Variants in SNX24 observed in about 807,000 individuals in gnomAD.
SNX24 encodes sorting nexin-24.
SNX24 carries 22 observed loss-of-function variants against 28.7 expected under a neutral mutation model. The observed-to-expected ratio is 0.77, with a 90% CI of 0.55 to 1.10. SNX24 has a LOEUF of 1.10. Ranked by LOEUF, SNX24 falls within the 50% of genes least tolerant of loss-of-function variation. The pLI, the probability that SNX24 is intolerant of heterozygous loss-of-function variation, is 0.00. For synonymous variants in SNX24, 69 were observed against 71.5 expected, an observed-to-expected ratio of 0.96 and a Z score of 0.18; for missense variants, 221 against 201.1, an observed-to-expected ratio of 1.10 and a Z score of -0.60.
intron 3 of SNX24, among the ~76,000 whole-genome samples, chr5:122,996,928 A>G (rs375390289): frequency 6.6e-6 from 1 of 152,206 alleles, no homozygotes; most frequent in African/African-American, 2.4e-5. Flanking sequence ...CTATAGGATG[A>G]CCCAGGGTAC....
intron 3 of SNX24, among the ~76,000 whole-genome samples, chr5:122,977,581 C>G (rs997230765): frequency 6.6e-6 from 1 of 152,184 alleles, no homozygotes; most frequent in Non-Finnish European, 1.5e-5. Flanking sequence ...GTAACAGGTT[C>G]ACTGTGGCTA....
intron 1 of SNX24, among the ~76,000 whole-genome samples, chr5:122,883,636 C>T (rs940506132): frequency 2.0e-5 from 3 of 152,020 alleles, no homozygotes; most frequent in Admixed American, 6.6e-5. Flanking sequence ...TCAGGGTTGT[C>T]ACATTATTTA....
intron 1 of SNX24, among the ~76,000 whole-genome samples, chr5:122,854,296 C>T (rs1755068448): frequency 6.6e-6 from 1 of 152,076 alleles, no homozygotes; most frequent in Non-Finnish European, 1.5e-5. Flanking sequence ...ATCACGAGGT[C>T]AGGAGATCGA....
intron 3 of SNX24, among the ~76,000 whole-genome samples, chr5:122,946,738 C>CCGTCTCT (rs1759706017): frequency 6.6e-6 from 1 of 152,206 alleles, no homozygotes; most frequent in Admixed American, 6.5e-5. Context: ...AGGACAAAGA[C>CCGTCTCT]CGTCTCTTTA....
chr5:122,908,469 G>C (rs1757742853), intron 1 of SNX24, among the ~76,000 whole-genome samples: 1 of 152,166 alleles, frequency 6.6e-6, no homozygotes, highest in Admixed American at 6.5e-5. Flanking sequence ...AAATTATCCT[G>C]TTATGTGTAA....
intron 3 of SNX24, among the ~76,000 whole-genome samples, chr5:122,951,862 C>T (rs892004782): frequency 5.3e-5 from 8 of 152,070 alleles, no homozygotes; most frequent in Non-Finnish European, 7.4e-5. Context: ...TCAGAGTCTG[C>T]GGGTAAGGCA....
At chr5:122,860,690 G>A (rs1463060505) in intron 1 of SNX24, among the ~76,000 whole-genome samples, 7 of 152,066 alleles carry the variant, frequency 4.6e-5, no homozygotes, top group Non-Finnish European at 7.4e-5. Flanking sequence ...TCTGCCTCCC[G>A]GGTTCACGCC....
chr5:122,934,245 C>T (rs984411811), intron 1 of SNX24, among the ~76,000 whole-genome samples: 1 of 152,128 alleles, frequency 6.6e-6, no homozygotes, highest in African/African-American at 2.4e-5. Context: ...TAGGAGTTTA[C>T]CAGCAGAGCC....
At chr5:122,862,420 C>T (rs1267121173) in intron 1 of SNX24, among the ~76,000 whole-genome samples, 1 of 151,836 alleles carries the variant, frequency 6.6e-6, no homozygotes, top group African/African-American at 2.4e-5. Flanking sequence ...TCGAGACCAT[C>T]CTGGCTAACA....
intron 5 of SNX24, chr5:123,023,963 T>C (rs751102284): frequency 2.0e-5 from 32 of 1,614,022 alleles, no homozygotes; most frequent in Non-Finnish European, 2.5e-5. Context: ...TGGACGGTCA[T>C]GCCCATCAGT....
At chr5:122,913,340 C>CGG (rs1417707946) in intron 1 of SNX24, among the ~76,000 whole-genome samples, 1 of 137,332 alleles carries the variant, frequency 7.3e-6, no homozygotes, top group African/African-American at 2.8e-5. Flanking sequence ...GCTGGCCGGG[C>CGG]GGGGGCTGAC....
At chr5:122,915,929 A>G (rs1581743532) in intron 1 of SNX24, among the ~76,000 whole-genome samples, 1 of 152,176 alleles carries the variant, frequency 6.6e-6, no homozygotes, top group East Asian at 1.9e-4. Context: ...CTGTTTCGTC[A>G]TGGCCTCCTC....
At chr5:122,904,935 G>A (rs1419585653) in intron 1 of SNX24, among the ~76,000 whole-genome samples, 1 of 152,174 alleles carries the variant, frequency 6.6e-6, no homozygotes, top group African/African-American at 2.4e-5. Flanking sequence ...CCCCACTCAT[G>A]AGCCACCACA....
chr5:123,017,789 A>G (rs1462107358), intron 5 of SNX24, among the ~76,000 whole-genome samples: 1 of 152,094 alleles, frequency 6.6e-6, no homozygotes, highest in Non-Finnish European at 1.5e-5. Flanking sequence ...CTGCTACCAT[A>G]TGAGACGTGC....
intron 1 of SNX24, among the ~76,000 whole-genome samples, chr5:122,905,276 A>G (rs1221038559): frequency 1.3e-5 from 2 of 152,018 alleles, no homozygotes; most frequent in African/African-American, 4.8e-5. Flanking sequence ...GGGAAGGGGT[A>G]TGTGGGACGA....
At chr5:122,942,849 A>G (rs1400562201) in intron 2 of SNX24, among the ~76,000 whole-genome samples, 1 of 152,184 alleles carries the variant, frequency 6.6e-6, no homozygotes, top group Non-Finnish European at 1.5e-5. Context: ...CTCACCTACA[A>G]ATGCTGTCAT....
At chr5:122,880,681 G>A (rs942525116) in intron 1 of SNX24, among the ~76,000 whole-genome samples, 2 of 152,160 alleles carry the variant, frequency 1.3e-5, no homozygotes, top group East Asian at 1.9e-4. Context: ...AATAGAAGCC[G>A]ACCTTGCTTG....
rs768510273 is a variant in SNX24 at position 122,845,733 on chromosome 5, G to A, written c.60+40G>A. 5 of 1,262,598 alleles carry A rather than the reference G, an allele frequency of 4.0e-6. 1 individual carries two copies. In the South Asian group the frequency reaches 1.4e-4, roughly 34 times the overall value. The allele number at this position is 1,262,598 out of a possible 1,614,324, so 78.2% of individuals were successfully genotyped here. A position where few individuals can be genotyped will look rare whatever the true frequency, so the allele number is the denominator to read the frequency against. ...CGGGCGGACAGGGCCCCGCGAGCCA[G>A]GCCTGCGGCTGCTGCGCCCAGGAAA... On this transcript the variant is annotated intron_variant, in intron 1 of 6. Coordinates refer to ENST00000261369, the MANE Select transcript of SNX24 (RefSeq NM_014035.4).
At chr5:122,946,014 G>T (rs1324387209) in intron 2 of SNX24, 41 bp from the exon 3 acceptor site, 41 of 877,780 alleles carry the variant, frequency 4.7e-5, no homozygotes, top group Middle Eastern at 2.5e-4. Context: ...AGACATCTCT[G>T]TTTTTTTTTT....
Sources: allele counts gnomAD v4.1 joint callset (sites outside exome capture counted in the v4.1 genomes callset), GRCh38; gene constraint gnomAD v4.1.1; transcripts MANE v1.5; gene names NCBI Gene and HGNC (gene_info 2026-07-23, HGNC 2026-07-21).